The following CACNA1D variants were observed in gnomAD, a reference collection of about 807,000 sequenced individuals.
The protein encoded by CACNA1D is voltage-dependent L-type calcium channel subunit alpha-1D.
CACNA1D carries 55 observed loss-of-function variants against 257.1 expected under a neutral mutation model. The ratio of observed to expected loss-of-function variants is 0.21; its 90% CI spans 0.17 to 0.27. CACNA1D has a LOEUF of 0.27. Ranked by LOEUF, CACNA1D falls within the 10% of genes least tolerant of loss-of-function variation. The pLI is 1.00. For synonymous variants in CACNA1D, 980 were observed against 1,014.9 expected, an observed-to-expected ratio of 0.97 and a Z score of 0.65; for missense variants, 1,876 against 2,784.0, an observed-to-expected ratio of 0.67 and a Z score of 7.34.
chr3:53,545,738 A>G (rs1053546660), intron 3 of CACNA1D, among the ~76,000 whole-genome samples: 4 of 152,188 alleles, frequency 2.6e-5, no homozygotes, highest in Non-Finnish European at 5.9e-5. Flanking sequence ...AAACCTGGAC[A>G]CTTTCTTCTC....
intron 3 of CACNA1D, among the ~76,000 whole-genome samples, chr3:53,599,790 C>T (rs1312360648): frequency 6.6e-6 from 1 of 152,182 alleles, no homozygotes; most frequent in East Asian, 1.9e-4. Context: ...TTCCTCTCTG[C>T]TCCACCCACG....
chr3:53,524,949 G>A (rs1019851016), intron 3 of CACNA1D, among the ~76,000 whole-genome samples: 8 of 152,124 alleles, frequency 5.3e-5, no homozygotes, highest in African/African-American at 1.4e-4. Context: ...GAGGTTCTGC[G>A]TGGCCTGGAG....
chr3:53,751,503 C>G lies in CACNA1D; in HGVS notation c.3517-246C>G, dbSNP rs1332533999. Among the ~76,000 whole-genome samples, 2 of 152,192 alleles carry G rather than the reference C, an allele frequency of 1.3e-5. No individual in the cohort carries two copies. The highest frequency in any genetic ancestry group is 2.4e-5 in the African/African-American group (1 of 41,444). On this transcript the variant is annotated intron_variant, in intron 27 of 47. Transcript: ENST00000350061. This position sits in a 1 kb window ranked among gnomAD's most constrained non-coding sequence, Gnocchi z 4.3. ...TTTTTAGTAAGCAAAATGGAAGCCA[C>G]ATGGGTAGGCACCCAGCTTACCCGG...
intron 30 of CACNA1D, chr3:53,765,474 A>T (rs1182283010): frequency 6.5e-6 from 1 of 152,672 alleles, no homozygotes; most frequent in East Asian, 1.9e-4. Context: ...GCAAGTATAT[A>T]TAAGCATATA....
rs563274513 is a variant in CACNA1D at position 53,724,010 on chromosome 3, C to T, written c.2100+11C>T. The T allele has an allele frequency of 1.9e-6, 3 of 1,605,526 alleles. No individual in the cohort carries two copies. The highest frequency in any genetic ancestry group is 1.3e-5 in the African/African-American group (1 of 74,858). On this transcript the variant is annotated intron_variant, in intron 14 of 47. Transcript: ENST00000350061. ...CTCACAGTGTTCCAGGTGAGTCCTC[C>T]CTCCATTCCCCGAAAAGCACTTCGT...
At position 53,740,406 on chromosome 3, in the gene CACNA1D, G is replaced by C; in HGVS notation, c.2811+67G>C. On this transcript the variant is annotated intron_variant, in intron 21 of 47. Transcript: ENST00000350061. Reference sequence around the variant, plus strand: ...GGAGCAATAATAGTTGCACTTCTTTGTTTGCCTTCCAGATGCTAGGTTACG... The same window carrying C: ...GGAGCAATAATAGTTGCACTTCTTTCTTTGCCTTCCAGATGCTAGGTTACG... 3.7e-6 allele frequency: 4 copies of C among 1,080,162 alleles called. No individual in the cohort carries two copies. In the Admixed American group the frequency reaches 5.1e-5, roughly 14 times the overall value. 66.9% of individuals were successfully genotyped at this position (1,080,162 alleles called of 1,614,324 possible). A position where few individuals can be genotyped will look rare whatever the true frequency, so the allele number is the denominator to read the frequency against.
chr3:53,718,601 C>CCCCCCCCCCAAAAAAAAA, intron 10 of CACNA1D: 1 of 1,103,202 alleles, frequency 9.1e-7, no homozygotes, highest in Non-Finnish European at 1.3e-6. Flanking sequence ...CCCCCCGGCC[C>CCCCCCCCCCAAAAAAAAA]AGCATTTCAC....
intron 3 of CACNA1D, among the ~76,000 whole-genome samples, chr3:53,577,697 C>T (rs1341354900): frequency 6.6e-6 from 1 of 152,042 alleles, no homozygotes. Context: ...TGTGAGATTA[C>T]AACAGTGGCC....
intron 3 of CACNA1D, among the ~76,000 whole-genome samples, chr3:53,622,724 A>G (rs1037448926): frequency 3.3e-5 from 5 of 152,236 alleles, no homozygotes; most frequent in African/African-American, 1.2e-4. Context: ...CCTGTAACAA[A>G]TCTGCACTCG....
At chr3:53,667,840 C>CGTGT (rs2094283659) in intron 7 of CACNA1D, among the ~76,000 whole-genome samples, 10 of 137,010 alleles carry the variant, frequency 7.3e-5, no homozygotes, top group Admixed American at 7.1e-4. Context: ...TGTGTGTATG[C>CGTGT]ATGTGTGTGT....
intron 8 of CACNA1D, among the ~76,000 whole-genome samples, chr3:53,691,819 A>G (rs1409164039): frequency 1.0e-5 from 1 of 95,280 alleles, no homozygotes; most frequent in Non-Finnish European, 2.0e-5. Context: ...TATATTATAT[A>G]TTATATCTAT....
At chr3:53,711,402 A>C (rs1162944282) in intron 9 of CACNA1D, among the ~76,000 whole-genome samples, 2 of 152,248 alleles carry the variant, frequency 1.3e-5, no homozygotes, top group African/African-American at 2.4e-5. Flanking sequence ...TCCCTGGAGT[A>C]GCTGTCAGGC....
intron 3 of CACNA1D, among the ~76,000 whole-genome samples, chr3:53,573,201 G>T (rs2092977882): frequency 6.6e-6 from 1 of 152,126 alleles, no homozygotes; most frequent in African/African-American, 2.4e-5. Context: ...CATCATTTAT[G>T]ATTGTTTATT....
chr3:53,664,368 A>G (rs1576280761), intron 5 of CACNA1D, among the ~76,000 whole-genome samples: 1 of 151,504 alleles, frequency 6.6e-6, no homozygotes, highest in South Asian at 2.1e-4. Flanking sequence ...CTTCACCCTC[A>G]CCTACCCCAG....
intron 42 of CACNA1D, 36 bp from the exon 43 acceptor site, chr3:53,802,111 T>C: frequency 6.4e-7 from 1 of 1,567,088 alleles, no homozygotes; most frequent in Non-Finnish European, 8.8e-7. Context: ...ACTTTTATCT[T>C]CTCCCTCCTT....
chr3:53,719,674 T>G, intron 10 of CACNA1D, 81 bp from the exon 11 acceptor site: 355 of 1,285,886 alleles, frequency 2.8e-4, no homozygotes, highest in Non-Finnish European at 3.7e-4. Context: ...ATGGCTTTTA[T>G]GATATCTCAG....
intron 38 of CACNA1D, among the ~76,000 whole-genome samples, chr3:53,781,053 G>A (rs946446157): frequency 6.6e-6 from 1 of 152,202 alleles, no homozygotes; most frequent in Non-Finnish European, 1.5e-5. Flanking sequence ...AAGGCAGAAT[G>A]GTCCTCTATA....
chr3:53,761,941 G>T (rs1234436781), intron 29 of CACNA1D, 57 bp from the exon 30 acceptor site: 7 of 1,225,582 alleles, frequency 5.7e-6, no homozygotes, highest in Non-Finnish European at 8.5e-6. Context: ...TATACGGTCC[G>T]TGTGGTGGGT....
intron 20 of CACNA1D, among the ~76,000 whole-genome samples, chr3:53,736,608 T>G (rs1034372158): frequency 2.6e-5 from 4 of 152,138 alleles, no homozygotes; most frequent in Non-Finnish European, 4.4e-5. Flanking sequence ...GAGTTATTAA[T>G]TGGCTGGGCG....
Sources: allele counts gnomAD v4.1 joint callset (sites outside exome capture counted in the v4.1 genomes callset), GRCh38; gene constraint gnomAD v4.1.1; non-coding constraint Gnocchi (gnomAD v3.1); transcripts MANE v1.5; gene names NCBI Gene and HGNC (gene_info 2026-07-23, HGNC 2026-07-21).